The following TTC9 variants were observed in gnomAD, a reference collection of about 807,000 sequenced individuals.
The protein encoded by TTC9 is tetratricopeptide repeat protein 9A.
Under a neutral mutation model 22.9 loss-of-function variants are expected in TTC9, and 13 were observed. The ratio of observed to expected loss-of-function variants is 0.57; its 90% CI spans 0.37 to 0.90. TTC9 has a LOEUF of 0.90. TTC9 is among the 40% of genes least tolerant of loss of function. The pLI is 0.01. For synonymous variants in TTC9, 148 were observed against 133.2 expected (o/e 1.11, Z -0.77); for missense variants, 280 against 291.8 (o/e 0.96, Z 0.29).
At chr14:70,649,136 A>G (rs572897410) in intron 1 of TTC9, among the ~76,000 whole-genome samples, 1 of 152,306 alleles carries the variant, frequency 6.6e-6, no homozygotes, top group South Asian at 2.1e-4. Flanking sequence ...AATCATAGGG[A>G]TATTCACCAC....
chr14:70,650,570 C>T (rs1340747157), intron 1 of TTC9, among the ~76,000 whole-genome samples: 1 of 152,202 alleles, frequency 6.6e-6, no homozygotes, highest in African/African-American at 2.4e-5. Flanking sequence ...AGTTCTGTCT[C>T]TAACTTTCTG....
chr14:70,652,826 T>C lies in TTC9; in HGVS notation c.406+10291T>C, dbSNP rs554284641. The stretch of plus-strand genomic sequence containing the variant: ...CCAGGTTGTGGAGACCACAGGACCA[T>C]TGGAAACTTGAATGGACTCTGATGC... On this transcript the variant is annotated intron_variant, in intron 1 of 2. Coordinates refer to ENST00000256367, the MANE Select transcript of TTC9 (RefSeq NM_015351.2). 3.9e-5 allele frequency among the ~76,000 whole-genome samples: 6 copies of C among 152,256 alleles called. No individual in the cohort carries two copies. The East Asian group carries it at 1.2e-3, about 29-fold the overall frequency.
chr14:70,658,479 G>A (rs1886096987), intron 1 of TTC9, among the ~76,000 whole-genome samples: 1 of 152,188 alleles, frequency 6.6e-6, no homozygotes, highest in South Asian at 2.1e-4. Context: ...TTTGATGATT[G>A]TACCTGTAGA....
chr14:70,668,029 T>C (rs1165370730), intron 2 of TTC9, among the ~76,000 whole-genome samples: 1 of 152,126 alleles, frequency 6.6e-6, no homozygotes, highest in Non-Finnish European at 1.5e-5. Context: ...TCAACAAATA[T>C]ATATATATTG....
At chr14:70,659,068 C>T (rs1464992958) in intron 1 of TTC9, among the ~76,000 whole-genome samples, 1 of 150,906 alleles carries the variant, frequency 6.6e-6, no homozygotes, top group Non-Finnish European at 1.5e-5. Context: ...AGTGGTGGGA[C>T]AGGAAGGAGA....
chr14:70,669,562 T>C (rs951627846), intron 2 of TTC9, among the ~76,000 whole-genome samples: 2 of 151,340 alleles, frequency 1.3e-5, no homozygotes, highest in South Asian at 4.2e-4. Context: ...ATTACAGGCA[T>C]GAGCCACCAC....
At chr14:70,649,389 T>C (rs4899362) in intron 1 of TTC9, among the ~76,000 whole-genome samples, 100,836 of 152,084 alleles carry the variant, frequency 0.66, 33,649 homozygotes, top group Middle Eastern at 0.71. Context: ...GCTTGGGGGC[T>C]GGGTATATAG....
At chr14:70,645,657 C>T (rs572001570) in intron 1 of TTC9, among the ~76,000 whole-genome samples, 14 of 152,168 alleles carry the variant, frequency 9.2e-5, no homozygotes, top group South Asian at 2.1e-4. Context: ...CCCTGTGTGC[C>T]TGCTAAAAGG....
chr14:70,671,036 C>G (rs766055598), intron 2 of TTC9, 40 bp from the exon 3 acceptor site: 1 of 1,580,590 alleles, frequency 6.3e-7, no homozygotes, highest in Non-Finnish European at 8.7e-7. Flanking sequence ...GATAGTTGCC[C>G]TCACCTGGTG....
At chr14:70,654,482 T>A (rs2139643647) in intron 1 of TTC9, among the ~76,000 whole-genome samples, 1 of 148,912 alleles carries the variant, frequency 6.7e-6, no homozygotes, top group Middle Eastern at 3.6e-3. Context: ...TCCCAGCTAC[T>A]CAGGAGGCTG....
intron 1 of TTC9, among the ~76,000 whole-genome samples, chr14:70,644,283 T>C (rs1393080489): frequency 6.6e-6 from 1 of 152,190 alleles, no homozygotes; most frequent in East Asian, 1.9e-4. Context: ...GAAATCTGGA[T>C]AGCTCCACCA....
At chr14:70,644,616 G>A (rs1332098243) in intron 1 of TTC9, among the ~76,000 whole-genome samples, 1 of 152,140 alleles carries the variant, frequency 6.6e-6, no homozygotes. Context: ...CCAATTTCAG[G>A]TGGGCTCCAA....
chr14:70,659,130 A>G (rs12886736), intron 1 of TTC9, among the ~76,000 whole-genome samples: 26,425 of 110,804 alleles, frequency 0.24, 2,868 homozygotes, highest in Middle Eastern at 0.35. Flanking sequence ...ACACACACAC[A>G]CGCACACACA....
At chr14:70,653,231 T>C (rs1158504768) in intron 1 of TTC9, among the ~76,000 whole-genome samples, 1 of 152,108 alleles carries the variant, frequency 6.6e-6, no homozygotes, top group African/African-American at 2.4e-5. Context: ...CCAGTATGCA[T>C]GAAGACAGAG....
chr14:70,667,938 G>C (rs1886237181), intron 2 of TTC9, among the ~76,000 whole-genome samples, 192 bp downstream of exon 2: 1 of 152,110 alleles, frequency 6.6e-6, no homozygotes, highest in Admixed American at 6.6e-5. Flanking sequence ...GAGTTCCAGG[G>C]AGCACAGGCC....
At chr14:70,662,490 A>G (rs1395271208) in intron 1 of TTC9, among the ~76,000 whole-genome samples, 1 of 152,034 alleles carries the variant, frequency 6.6e-6, no homozygotes, top group Non-Finnish European at 1.5e-5. Flanking sequence ...TCACTGCTTT[A>G]CCAGTCTGAT....
Position 70,642,525 on chromosome 14 carries a change from C to T in TTC9, c.396C>T (p.Asn132=), listed in dbSNP as rs1322564799. The change falls in exon 1 of 3, where the codon AAC becomes AAT. Residue 132 remains asparagine, a synonymous_variant. Transcript: ENST00000256367. ...TVEAIEIDCY[N]SLAACLLQAE... is the part of the protein sequence containing the mutation. ...AAGCCATCGAGATCGACTGTTACAA[C>T]AGCCTGGCAGGTGAGCCGCGCCGCG... 1 of 1,538,420 alleles carries T rather than the reference C, an allele frequency of 6.5e-7. No homozygotes were observed. The highest frequency in any genetic ancestry group is 8.8e-7 in the Non-Finnish European group (1 of 1,141,330).
At chr14:70,652,013 G>C (rs1029232926) in intron 1 of TTC9, among the ~76,000 whole-genome samples, 1 of 151,802 alleles carries the variant, frequency 6.6e-6, no homozygotes, top group African/African-American at 2.4e-5. Context: ...TTTAGTCCAG[G>C]CTCTGCTGCT....
intron 1 of TTC9, among the ~76,000 whole-genome samples, chr14:70,653,755 C>G (rs1886018684): frequency 6.6e-6 from 1 of 152,186 alleles, no homozygotes; most frequent in African/African-American, 2.4e-5. Context: ...TTCAGGCACT[C>G]TCACAAGTCA....
Sources: allele counts gnomAD v4.1 joint callset (sites outside exome capture counted in the v4.1 genomes callset), GRCh38; gene constraint gnomAD v4.1.1; transcripts MANE v1.5; gene names NCBI Gene and HGNC (gene_info 2026-07-23, HGNC 2026-07-21).